Variants in CNIH3 observed in about 807,000 individuals in gnomAD.
The protein encoded by CNIH3 is cornichon family AMPA receptor auxiliary protein 3.
A neutral mutation model predicts 24.1 loss-of-function variants in CNIH3; 14 were observed. That is an observed-to-expected ratio of 0.58 (90% CI 0.38 to 0.91). CNIH3 has a LOEUF of 0.91. Ranked by LOEUF, CNIH3 falls within the 40% of genes least tolerant of loss-of-function variation. The pLI, the probability that CNIH3 is intolerant of heterozygous loss-of-function variation, is 0.00. For synonymous variants in CNIH3, 68 were observed against 73.8 expected (o/e 0.92, Z 0.40); for missense variants, 178 against 196.8 (o/e 0.90, Z 0.57).
At chr1:224,559,883 C>A (rs1163261818) in intron 3 of CNIH3, among the ~76,000 whole-genome samples, 3 of 152,116 alleles carry the variant, frequency 2.0e-5, no homozygotes, top group Non-Finnish European at 4.4e-5. Flanking sequence ...CTATCCTGGT[C>A]TTCATGGTTA....
chr1:224,525,811 A>G (rs757728484), intron 2 of CNIH3, among the ~76,000 whole-genome samples: 23 of 152,312 alleles, frequency 1.5e-4, no homozygotes, highest in South Asian at 8.3e-4. Flanking sequence ...TGGGGGTATC[A>G]GAATAAGATC....
chr1:224,645,758 C>T (rs922379013), intron 1 of CNIH3, among the ~76,000 whole-genome samples: 1 of 152,258 alleles, frequency 6.6e-6, no homozygotes, highest in Non-Finnish European at 1.5e-5. Context: ...ATTTCCACCA[C>T]TCCCTACTGC....
chr1:224,464,207 C>T (rs1371079693), intron 1 of CNIH3, among the ~76,000 whole-genome samples: 1 of 152,122 alleles, frequency 6.6e-6, no homozygotes, highest in East Asian at 1.9e-4. Flanking sequence ...TCTAAGCAAT[C>T]TTTGCCCCAA....
At chr1:224,551,759 A>G (rs1281068330) in intron 3 of CNIH3, among the ~76,000 whole-genome samples, 2 of 151,606 alleles carry the variant, frequency 1.3e-5, no homozygotes, top group Admixed American at 1.3e-4. Context: ...GGGTGTACAC[A>G]GAGGGAGTAC....
chr1:224,666,980 C>T (rs1294543402), intron 1 of CNIH3, among the ~76,000 whole-genome samples: 1 of 152,200 alleles, frequency 6.6e-6, no homozygotes, highest in African/African-American at 2.4e-5. Context: ...TGAGGTTGCC[C>T]TTTCCTGACC....
chr1:224,696,001 G>A (rs1687160238), intron 3 of CNIH3, among the ~76,000 whole-genome samples: 1 of 152,212 alleles, frequency 6.6e-6, no homozygotes, highest in Non-Finnish European at 1.5e-5. Flanking sequence ...AGGCAGGAAA[G>A]CGTATTGGGA....
exon 5 of CNIH3, chr1:224,583,192 A>G (rs1051753923): frequency 6.6e-6 from 1 of 152,306 alleles, no homozygotes; most frequent in Non-Finnish European, 1.5e-5. Context: ...AAGATTTCAC[A>G]GGATGGAGAG....
chr1:224,574,854 C>G (rs1380517535), intron 4 of CNIH3: 9 of 961,520 alleles, frequency 9.4e-6, no homozygotes, highest in African/African-American at 3.2e-5. Context: ...CAGTAACATT[C>G]TGGACACATG....
chr1:224,512,520 G>A (rs1343930194), upstream of CNIH3, among the ~76,000 whole-genome samples: 1 of 152,184 alleles, frequency 6.6e-6, no homozygotes, highest in Admixed American at 6.5e-5. Flanking sequence ...AGAAAATACA[G>A]TAATGAATAG....
intron 2 of CNIH3, among the ~76,000 whole-genome samples, chr1:224,681,807 C>T (rs1686418198): frequency 6.6e-6 from 1 of 152,202 alleles, no homozygotes; most frequent in South Asian, 2.1e-4. Flanking sequence ...TCCAAACTTA[C>T]TCCCTACCTG....
intron 1 of CNIH3, among the ~76,000 whole-genome samples, chr1:224,516,784 C>A (rs2124905802): frequency 6.6e-6 from 1 of 152,362 alleles, no homozygotes; most frequent in East Asian, 1.9e-4. Context: ...AGCACGTTTT[C>A]TTACCCTCTG....
At chr1:224,461,198 T>G (rs1376437800) in intron 1 of CNIH3, among the ~76,000 whole-genome samples, 1 of 152,018 alleles carries the variant, frequency 6.6e-6, no homozygotes, top group African/African-American at 2.4e-5. Context: ...AGACGGGGTT[T>G]TTCCATGTTG....
At chr1:224,438,777 G>A (rs1222984496) in intron 1 of CNIH3, among the ~76,000 whole-genome samples, 5 of 152,122 alleles carry the variant, frequency 3.3e-5, no homozygotes, top group Admixed American at 1.3e-4. Context: ...TTTAACTTTC[G>A]CAGCCCCTCA....
At chr1:224,465,574 A>G (rs896041335) in intron 1 of CNIH3, among the ~76,000 whole-genome samples, 28 of 152,270 alleles carry the variant, frequency 1.8e-4, no homozygotes, top group Admixed American at 5.9e-4. Context: ...CACAGTCTAT[A>G]CTATTATTTT....
At chr1:224,667,753 TA>T (rs5781378) in intron 1 of CNIH3, among the ~76,000 whole-genome samples, 15,081 of 137,688 alleles carry the variant, frequency 0.11, 1,130 homozygotes, top group African/African-American at 0.22. Context: ...GTCAGTCCAA[TA>T]AAAAAAAAAA....
intron 1 of CNIH3, among the ~76,000 whole-genome samples, chr1:224,625,028 T>A (rs1178792035): frequency 6.6e-6 from 1 of 152,132 alleles, no homozygotes; most frequent in East Asian, 1.9e-4. Context: ...GTCCCACTGT[T>A]GTATTTGTCT....
At position 224,461,802 on chromosome 1, in the gene CNIH3, C is replaced by G. The variant is rs933632198; in HGVS notation, n.203+26940C>G. ...TATCAATTAGCAGTCATTTCCCATT[C>G]TCTCCTCCATATGCCTCAGTTGTAG... On this transcript the variant is annotated intron_variant and non_coding_transcript_variant, in intron 1 of 5. Coordinates refer to the CNIH3 transcript ENST00000471578. Among the ~76,000 whole-genome samples, 4 of 152,206 alleles carry G rather than the reference C, an allele frequency of 2.6e-5. No homozygotes were observed. In the South Asian group the frequency reaches 6.2e-4, roughly 24 times the overall value.
At chr1:224,675,864 G>A (rs1294453388) in intron 1 of CNIH3, among the ~76,000 whole-genome samples, 2 of 152,220 alleles carry the variant, frequency 1.3e-5, no homozygotes, top group African/African-American at 4.8e-5. Context: ...TGGCTAGGGT[G>A]TGGAGTCATG....
intron 1 of CNIH3, among the ~76,000 whole-genome samples, chr1:224,630,645 A>G (rs1450211343): frequency 6.6e-6 from 1 of 152,060 alleles, no homozygotes; most frequent in African/African-American, 2.4e-5. Context: ...TTATGGGCCC[A>G]TTTGCAGTTA....
Sources: gnomAD v4.1 joint callset for allele counts (sites outside exome capture counted in the v4.1 genomes callset) on GRCh38, gnomAD v4.1.1 for gene constraint, MANE v1.5 for transcripts, NCBI Gene and HGNC (gene_info 2026-07-23, HGNC 2026-07-21) for gene names.